The following C12orf42 variants were observed in gnomAD, a reference collection of about 807,000 sequenced individuals.
The protein encoded by C12orf42 is uncharacterized protein C12orf42.
In C12orf42, 25 loss-of-function variants were observed where a neutral mutation model predicts 21.6. The observed-to-expected ratio is 1.16, with a 90% CI of 0.84 to 1.62. C12orf42 has a LOEUF of 1.62. Among genes scored for constraint, C12orf42 ranks in the 40% most tolerant of loss-of-function variants. C12orf42 has a pLI of 0.00. For missense variants in C12orf42, 483 were observed against 459.3 expected (o/e 1.05, Z -0.47); for synonymous variants, 174 against 175.0 (o/e 0.99, Z 0.05).
intron 4 of C12orf42, among the ~76,000 whole-genome samples, chr12:103,348,658 T>C (rs2042843174): frequency 6.6e-6 from 1 of 152,178 alleles, no homozygotes; most frequent in African/African-American, 2.4e-5. Context: ...ATTTCGGGAA[T>C]TTTTGAAAAA....
chr12:103,115,389 G>A, the C12orf42 span, among the ~76,000 whole-genome samples: 1 of 152,204 alleles, frequency 6.6e-6, no homozygotes. Context: ...TATACTGGAA[G>A]CTAAGAATTC....
At chr12:103,102,297 C>T in the C12orf42 span, among the ~76,000 whole-genome samples, 3 of 152,210 alleles carry the variant, frequency 2.0e-5, no homozygotes, top group Non-Finnish European at 4.4e-5. Context: ...AACCTTAAGG[C>T]CATTCTGGGA....
intron 10 of C12orf42, among the ~76,000 whole-genome samples, chr12:103,246,274 A>G (rs746453386): frequency 1.4e-4 from 22 of 152,090 alleles, no homozygotes; most frequent in African/African-American, 2.7e-4. Flanking sequence ...GTCATTGAGA[A>G]TATCACCTCT....
chr12:103,181,827 CTG>C, the C12orf42 span, among the ~76,000 whole-genome samples: 1 of 152,228 alleles, frequency 6.6e-6, no homozygotes, highest in Non-Finnish European at 1.5e-5. Flanking sequence ...TACCCCTACC[CTG>C]TCTCACAGGT....
intron 2 of C12orf42, among the ~76,000 whole-genome samples, chr12:103,447,781 G>GA (rs1411286700): frequency 8.6e-5 from 13 of 151,804 alleles, no homozygotes; most frequent in African/African-American, 2.9e-4. Flanking sequence ...AAACGCTGCT[G>GA]AAAAAATCAT....
At chr12:103,325,690 G>A (rs1443300782) in intron 4 of C12orf42, among the ~76,000 whole-genome samples, 1 of 152,122 alleles carries the variant, frequency 6.6e-6, no homozygotes, top group Admixed American at 6.5e-5. Context: ...CTGTGGTGGT[G>A]GTTTGCAATA....
the C12orf42 span, among the ~76,000 whole-genome samples, chr12:103,190,096 G>C: frequency 6.6e-6 from 1 of 152,114 alleles, no homozygotes; most frequent in East Asian, 1.9e-4. Context: ...AGAGAAGCTG[G>C]TAGTGTGACT....
chr12:103,051,362 G>T, the C12orf42 span, among the ~76,000 whole-genome samples: 22 of 152,268 alleles, frequency 1.4e-4, no homozygotes, highest in African/African-American at 5.1e-4. Context: ...GCCTTAAGAG[G>T]ATAAGGACCA....
chr12:103,296,506 T>C (rs374791782), intron 4 of C12orf42, among the ~76,000 whole-genome samples: 4 of 152,282 alleles, frequency 2.6e-5, no homozygotes, highest in East Asian at 1.9e-4. Flanking sequence ...TATTTCTCCA[T>C]ATCCTCTCCA....
the C12orf42 span, among the ~76,000 whole-genome samples, chr12:103,093,439 C>T: frequency 3.3e-5 from 5 of 152,104 alleles, no homozygotes; most frequent in Admixed American, 6.5e-5. Context: ...TCTTTGAGTT[C>T]GAAAGCCAAG....
At chr12:103,222,205 CA>C in the C12orf42 span, among the ~76,000 whole-genome samples, 20 of 151,318 alleles carry the variant, frequency 1.3e-4, no homozygotes. Context: ...GGGCTGAGTA[CA>C]AAAAGAGAGT....
chr12:103,111,126 T>A, the C12orf42 span, among the ~76,000 whole-genome samples: 1 of 152,192 alleles, frequency 6.6e-6, no homozygotes, highest in African/African-American at 2.4e-5. Flanking sequence ...TTCTATTACT[T>A]AGCTTTTATT....
chr12:103,283,735 C>T (rs1405187096), intron 4 of C12orf42, among the ~76,000 whole-genome samples: 4 of 152,148 alleles, frequency 2.6e-5, no homozygotes, highest in Admixed American at 2.0e-4. Flanking sequence ...CACAAAGCTC[C>T]TTAAGGAGAA....
At chr12:103,184,303 C>T in the C12orf42 span, among the ~76,000 whole-genome samples, 1 of 152,024 alleles carries the variant, frequency 6.6e-6, no homozygotes, top group African/African-American at 2.4e-5. Context: ...TATATAATGC[C>T]CCACTTGGTC....
At chr12:103,435,201 G>C (rs1950597437) in intron 2 of C12orf42, among the ~76,000 whole-genome samples, 1 of 152,048 alleles carries the variant, frequency 6.6e-6, no homozygotes, top group Non-Finnish European at 1.5e-5. Context: ...CTGTCTGTTA[G>C]AAGGAAAACT....
At chr12:103,373,272 C>A (rs1466091859) in intron 3 of C12orf42, among the ~76,000 whole-genome samples, 1 of 152,194 alleles carries the variant, frequency 6.6e-6, no homozygotes, top group East Asian at 1.9e-4. Flanking sequence ...TTACCACCAG[C>A]CCTCCCCTTT....
At chr12:103,084,243 T>C in the C12orf42 span, among the ~76,000 whole-genome samples, 2 of 152,216 alleles carry the variant, frequency 1.3e-5, no homozygotes, top group African/African-American at 4.8e-5. Flanking sequence ...AAGATTTAAG[T>C]CACATGCCAA....
chr12:103,206,131 T>G, the C12orf42 span, among the ~76,000 whole-genome samples: 1 of 152,198 alleles, frequency 6.6e-6, no homozygotes, highest in Non-Finnish European at 1.5e-5. Context: ...TGCCTAGTGA[T>G]TGGCTGATGT....
At chr12:103,294,397 GA>G (rs2037018247) in intron 4 of C12orf42, among the ~76,000 whole-genome samples, 1 of 129,682 alleles carries the variant, frequency 7.7e-6, no homozygotes, top group Admixed American at 8.2e-5. Context: ...GAAAAAGAAA[GA>G]AAGAAAGAAA....
Sources: allele counts gnomAD v4.1 joint callset (sites outside exome capture counted in the v4.1 genomes callset), GRCh38; gene constraint gnomAD v4.1.1; transcripts MANE v1.5; gene names NCBI Gene and HGNC (gene_info 2026-07-23, HGNC 2026-07-21).